Variants in POLR3B observed in about 807,000 individuals in gnomAD.
POLR3B encodes RNA polymerase III subunit B, also known as DNA-directed RNA polymerase III subunit RPC2.
A neutral mutation model predicts 147.4 loss-of-function variants in POLR3B; 96 were observed. The ratio of observed to expected loss-of-function variants is 0.65; its 90% confidence interval spans 0.55 to 0.77. The LOEUF (loss-of-function observed/expected upper bound fraction) is 0.77. POLR3B is among the 30% of genes least tolerant of loss of function. The pLI is 0.00. For missense variants in POLR3B, 1,036 were observed against 1,413.5 expected (o/e 0.73, Z 4.28); for synonymous variants, 461 against 485.9 (o/e 0.95, Z 0.67).
chr12:106,416,890 T>G (rs953666316), intron 12 of POLR3B, among the ~76,000 whole-genome samples: 8 of 151,808 alleles, frequency 5.3e-5, no homozygotes, highest in African/African-American at 1.9e-4. Context: ...CACTATTCCT[T>G]TGAGTTATGC....
intron 19 of POLR3B, among the ~76,000 whole-genome samples, chr12:106,449,310 C>T (rs1319408715): frequency 1.3e-5 from 2 of 152,050 alleles, no homozygotes; most frequent in African/African-American, 4.8e-5. Context: ...CATGTTGGCG[C>T]TCAAAAAGTT....
intron 9 of POLR3B, among the ~76,000 whole-genome samples, chr12:106,388,551 G>T (rs528091399): frequency 6.6e-6 from 1 of 152,016 alleles, no homozygotes; most frequent in Non-Finnish European, 1.5e-5. Flanking sequence ...CTCCTGACCT[G>T]GTGATCTGCC....
chr12:106,435,503 G>T (rs960741120), intron 16 of POLR3B, among the ~76,000 whole-genome samples: 6 of 151,608 alleles, frequency 4.0e-5, no homozygotes, highest in African/African-American at 1.5e-4. Flanking sequence ...GCCAGAATTG[G>T]TTTCTCTTCT....
At chr12:106,509,128 G>GTT (rs1592786855) in intron 27 of POLR3B, among the ~76,000 whole-genome samples, 1 of 152,152 alleles carries the variant, frequency 6.6e-6, no homozygotes, top group East Asian at 1.9e-4. Context: ...ATTGGCAAAT[G>GTT]TTTTACATTT....
chr12:106,368,271 T>C (rs1357249472), intron 4 of POLR3B, among the ~76,000 whole-genome samples: 1 of 151,892 alleles, frequency 6.6e-6, no homozygotes, highest in African/African-American at 2.4e-5. Flanking sequence ...CTCCCTTTTA[T>C]TGGAAAATAG....
Position 106,444,581 on chromosome 12 carries a change from C to T in POLR3B, c.2074C>T (p.Gln692Ter). ...RNTYQCAMGK[Q>*]AMGTIGYNQR... is the part of the protein sequence containing the mutation. ...CACTTATCAGTGTGCCATGGGGAAA[C>T]AAGCCATGGGTAAGATTTCCTTCTT... Residue 692 changes from glutamine to a stop codon, truncating the protein, a stop_gained, in exon 19 of 28, where the codon CAA becomes TAA. Transcript: ENST00000228347. LOFTEE classifies it high-confidence loss of function. 6.2e-7 allele frequency: 1 copy of T among 1,613,654 alleles called. No individual in the cohort carries two copies. Among genetic ancestry groups the T allele is most frequent in the East Asian group, 2.2e-5 (1 of 44,828 alleles).
chr12:106,425,798 A>G (rs1163169237), intron 12 of POLR3B, among the ~76,000 whole-genome samples: 1 of 151,980 alleles, frequency 6.6e-6, no homozygotes, highest in Non-Finnish European at 1.5e-5. Flanking sequence ...CAATTACACT[A>G]TTTGCATCCT....
At chr12:106,459,660 G>A (rs2037910112) in intron 22 of POLR3B, among the ~76,000 whole-genome samples, 1 of 152,170 alleles carries the variant, frequency 6.6e-6, no homozygotes, top group Non-Finnish European at 1.5e-5. Flanking sequence ...GATCAGTGTA[G>A]CTTGCTGGGG....
At chr12:106,363,942 G>T in intron 2 of POLR3B, 40 bp downstream of exon 2, 2 of 1,455,364 alleles carry the variant, frequency 1.4e-6, no homozygotes, top group Non-Finnish European at 1.9e-6. Flanking sequence ...TTATTTTTCA[G>T]ATGAAAAAGT....
At chr12:106,371,313 A>C (rs2036603253) in intron 6 of POLR3B, among the ~76,000 whole-genome samples, 1 of 152,180 alleles carries the variant, frequency 6.6e-6, no homozygotes, top group African/African-American at 2.4e-5. Context: ...GGATGTGGAG[A>C]AATAGGAACA....
intron 1 of POLR3B, among the ~76,000 whole-genome samples, chr12:106,363,652 G>T (rs2036496389): frequency 6.6e-6 from 1 of 152,222 alleles, no homozygotes. Context: ...ATCAGGAAGA[G>T]ATTAAGTTAT....
chr12:106,444,255 A>C (rs1324975707), intron 18 of POLR3B, among the ~76,000 whole-genome samples: 2 of 152,222 alleles, frequency 1.3e-5, no homozygotes, highest in Non-Finnish European at 2.9e-5. Context: ...TATGTGTTGA[A>C]TATAGTAATT....
intron 18 of POLR3B, among the ~76,000 whole-genome samples, chr12:106,439,204 A>G (rs1044096567): frequency 6.6e-6 from 1 of 152,044 alleles, no homozygotes; most frequent in South Asian, 2.1e-4. Context: ...GCAAGACCCT[A>G]TGTCTAAAAA....
At chr12:106,358,163 C>T (rs1365215573) in intron 1 of POLR3B, 1 of 1,441,838 alleles carries the variant, frequency 6.9e-7, no homozygotes, top group East Asian at 2.5e-5. Flanking sequence ...GAGCTGTCAG[C>T]CGCTGCGGGG....
At chr12:106,456,599 C>CA (rs2037866135) in intron 20 of POLR3B, among the ~76,000 whole-genome samples, 1 of 152,018 alleles carries the variant, frequency 6.6e-6, no homozygotes, top group Admixed American at 6.6e-5. Flanking sequence ...GAAAACTTTC[C>CA]AGGGAAGTTT....
intron 1 of POLR3B, among the ~76,000 whole-genome samples, chr12:106,359,588 C>T (rs1381536727): frequency 6.6e-6 from 1 of 152,108 alleles, no homozygotes; most frequent in Non-Finnish European, 1.5e-5. Flanking sequence ...CTCGGCCTCC[C>T]AACGTGCTGG....
chr12:106,419,190 T>C (rs906722984), intron 12 of POLR3B, among the ~76,000 whole-genome samples: 12 of 152,176 alleles, frequency 7.9e-5, no homozygotes, highest in African/African-American at 2.9e-4. Flanking sequence ...ATATTCTTTC[T>C]TTCCAAGAGT....
chr12:106,396,934 G>A (rs1289140645), intron 10 of POLR3B, among the ~76,000 whole-genome samples: 1 of 151,776 alleles, frequency 6.6e-6, no homozygotes, highest in Non-Finnish European at 1.5e-5. Context: ...TCTACCAAAG[G>A]TTTTGTTGTT....
intron 23 of POLR3B, among the ~76,000 whole-genome samples, chr12:106,471,275 C>A (rs2038087231): frequency 1.3e-5 from 2 of 152,112 alleles, no homozygotes; most frequent in African/African-American, 2.4e-5. Flanking sequence ...CAAGCCCAGG[C>A]ACAGGAGGGG....
Sources: allele counts gnomAD v4.1 joint callset (sites outside exome capture counted in the v4.1 genomes callset), GRCh38; gene constraint gnomAD v4.1.1; transcripts MANE v1.5; gene names NCBI Gene and HGNC (gene_info 2026-07-23, HGNC 2026-07-21).